The following EIF4G3 variants were observed in gnomAD, a reference collection of about 807,000 sequenced individuals.
The protein encoded by EIF4G3 is eIF-4-gamma 3.
EIF4G3 carries 34 observed loss-of-function variants against 186.4 expected under a neutral mutation model. The observed-to-expected ratio is 0.18, with a 90% CI of 0.14 to 0.24. The LOEUF (loss-of-function observed/expected upper bound fraction) is 0.24. EIF4G3 is among the 10% of genes least tolerant of loss of function. The probability of loss-of-function intolerance (pLI) is 1.00; values close to 1 mark genes in which losing one functional copy is unlikely to be tolerated. For synonymous variants in EIF4G3, 673 were observed against 679.5 expected, an observed-to-expected ratio of 0.99 and a Z score of 0.15; for missense variants, 1,536 against 1,948.5, an observed-to-expected ratio of 0.79 and a Z score of 3.99.
At chr1:20,862,584 T>A (rs2076603794) in intron 22 of EIF4G3, among the ~76,000 whole-genome samples, 2 of 151,990 alleles carry the variant, frequency 1.3e-5, no homozygotes, top group South Asian at 4.2e-4. Context: ...GGCTAATCTT[T>A]TAATTTTTTG....
At chr1:21,064,500 T>C (rs1477946647) in intron 3 of EIF4G3, 1 of 152,236 alleles carries the variant, frequency 6.6e-6, no homozygotes, top group Admixed American at 6.5e-5. Context: ...TAGCCAGGGC[T>C]GCTTTACAGC....
At chr1:20,907,806 A>G (rs61781100) in intron 14 of EIF4G3, among the ~76,000 whole-genome samples, 4 of 151,944 alleles carry the variant, frequency 2.6e-5, no homozygotes, top group South Asian at 4.2e-4. Context: ...TTGGACATTT[A>G]GGTTGGTTCC....
rs3051243 is a variant in EIF4G3, at chr1:20,863,378, TA to T, written c.3007-1047del. ...TGAGACCCATCATCTCTACAAAAAG[TA>T]AAAAAAAAAAAAAAAAAAAAAAATT... is the stretch of plus-strand genomic sequence containing the variant. On this transcript the variant is annotated intron_variant, in intron 22 of 36. Coordinates refer to ENST00000602326, the MANE Select transcript of EIF4G3 (RefSeq NM_001391906.1). Among the ~76,000 whole-genome samples, 116 of 102,484 alleles carry T rather than the reference TA, an allele frequency of 1.1e-3. 1 individual carries two copies. Among genetic ancestry groups the T allele is most frequent in the African/African-American group, 2.5e-3 (60 of 24,340 alleles). 67.2% of individuals were successfully genotyped at this position (102,484 alleles called of 152,430 possible).
At chr1:20,895,574 C>T (rs192570984) in intron 16 of EIF4G3, 73 bp from the exon 17 acceptor site, 40 of 1,485,786 alleles carry the variant, frequency 2.7e-5, no homozygotes, top group African/African-American at 1.9e-4. Context: ...AACGATGTTT[C>T]GATCAATAAC....
chr1:20,943,759 T>G (rs1295831346), intron 13 of EIF4G3, among the ~76,000 whole-genome samples: 1 of 152,226 alleles, frequency 6.6e-6, no homozygotes, highest in Non-Finnish European at 1.5e-5. Flanking sequence ...AATATTACCA[T>G]TAAGATATTA....
At chr1:21,170,826 A>G (rs1238154419) in intron 2 of EIF4G3, among the ~76,000 whole-genome samples, 1 of 152,006 alleles carries the variant, frequency 6.6e-6, no homozygotes, top group East Asian at 1.9e-4. Context: ...CATCTCTACT[A>G]AAAATACAAA....
At chr1:20,919,700 G>A (rs148096032) in intron 14 of EIF4G3, among the ~76,000 whole-genome samples, 10 of 152,160 alleles carry the variant, frequency 6.6e-5, no homozygotes, top group South Asian at 2.1e-4. Context: ...GAGACACAGC[G>A]TCTACAAAGC....
intron 12 of EIF4G3, among the ~76,000 whole-genome samples, chr1:20,951,618 C>A (rs911577471): frequency 9.2e-5 from 14 of 152,036 alleles, no homozygotes; most frequent in Admixed American, 4.6e-4. Flanking sequence ...AGGAAACACT[C>A]CATGTTATTT....
chr1:20,920,580 G>A (rs1008620139), intron 14 of EIF4G3, among the ~76,000 whole-genome samples: 2 of 152,068 alleles, frequency 1.3e-5, no homozygotes, highest in Non-Finnish European at 2.9e-5. Flanking sequence ...GACTTTCTTC[G>A]ATTAATCTAC....
At chr1:20,978,300 T>TA (rs1558531229) in intron 10 of EIF4G3, among the ~76,000 whole-genome samples, 1 of 151,554 alleles carries the variant, frequency 6.6e-6, no homozygotes, top group African/African-American at 2.4e-5. Flanking sequence ...ATATATATAT[T>TA]GTGTAACTTT....
intron 4 of EIF4G3, among the ~76,000 whole-genome samples, chr1:21,034,580 A>T (rs1300635001): frequency 1.3e-5 from 2 of 152,230 alleles, no homozygotes; most frequent in African/African-American, 4.8e-5. Flanking sequence ...TTGCCAAGTA[A>T]ACCAATTTCA....
chr1:20,817,004 C>T (rs1437687231), intron 34 of EIF4G3, among the ~76,000 whole-genome samples: 5 of 144,746 alleles, frequency 3.5e-5, no homozygotes, highest in African/African-American at 1.3e-4. Flanking sequence ...GGATTAAGGG[C>T]GGTGCAAGAT....
intron 2 of EIF4G3, among the ~76,000 whole-genome samples, chr1:21,153,711 T>C (rs1003596775): frequency 6.6e-6 from 1 of 152,108 alleles, no homozygotes; most frequent in Non-Finnish European, 1.5e-5. Flanking sequence ...ATTATAGGTA[T>C]GTGCCACCAC....
chr1:20,849,347 C>A, intron 29 of EIF4G3, 68 bp downstream of exon 29: 1 of 815,666 alleles, frequency 1.2e-6, no homozygotes, highest in Admixed American at 3.3e-5. Flanking sequence ...TGATTTAGAC[C>A]AGAACCAAGT....
intron 2 of EIF4G3, among the ~76,000 whole-genome samples, chr1:21,137,118 T>C (rs998637371): frequency 1.3e-5 from 2 of 150,970 alleles, no homozygotes; most frequent in Non-Finnish European, 2.9e-5. Flanking sequence ...GCTCATATGA[T>C]ATTACTTTGC....
intron 2 of EIF4G3, among the ~76,000 whole-genome samples, chr1:21,130,693 G>C (rs551635246): frequency 1.3e-5 from 2 of 151,988 alleles, no homozygotes; most frequent in African/African-American, 2.4e-5. Context: ...TTAGTGAAGA[G>C]AAAAAAGCAA....
Position 20,822,355 on chromosome 1 carries a change from C to CTTTT in EIF4G3, c.4368+2741_4368+2744dup, listed in dbSNP as rs57050580. On this transcript the variant is annotated intron_variant, in intron 33 of 36. Transcript: ENST00000602326. The stretch of plus-strand genomic sequence containing the variant: ...CACTTTTATCTTCTCAAAGAACCAG[C>CTTTT]TTTTTTTTTTTTTTTTTTTTTTTTT... Among the ~76,000 whole-genome samples the CTTTT allele has an allele frequency of 1.2e-4, 8 of 65,048 alleles. 1 individual carries two copies. Among genetic ancestry groups the CTTTT allele is most frequent in the African/African-American group, 2.4e-4 (4 of 16,494 alleles). The allele number at this position is 65,048 out of a possible 152,430, so 42.7% of individuals were successfully genotyped here.
rs1232075622 is a variant in EIF4G3 at position 20,830,183 on chromosome 1, C to T, written c.4062-911G>A. On this transcript the variant is annotated intron_variant, in intron 30 of 36. Transcript: ENST00000602326. ...CTTTCAGATCTCTACAATTGTAAAA[C>T]GTGTGCTTTTCCACTGCAGTTCCAG... Among the ~76,000 whole-genome samples the T allele has an allele frequency of 2.6e-5, 4 of 152,252 alleles. No homozygotes were observed. In the East Asian group the frequency reaches 7.7e-4, roughly 29 times the overall value.
At chr1:20,903,234 G>T (rs1270773607) in intron 15 of EIF4G3, among the ~76,000 whole-genome samples, 2 of 152,196 alleles carry the variant, frequency 1.3e-5, no homozygotes, top group African/African-American at 4.8e-5. Flanking sequence ...CATTGTTGAT[G>T]GCTGCTTTTA....
Sources: allele counts gnomAD v4.1 joint callset (sites outside exome capture counted in the v4.1 genomes callset), GRCh38; gene constraint gnomAD v4.1.1; transcripts MANE v1.5; gene names NCBI Gene and HGNC (gene_info 2026-07-23, HGNC 2026-07-21).